Variants in CADM2 observed in about 807,000 individuals in gnomAD.
CADM2 encodes cell adhesion molecule 2.
A neutral mutation model predicts 49.8 loss-of-function variants in CADM2; 12 were observed. The ratio of observed to expected loss-of-function variants is 0.24; its 90% CI spans 0.15 to 0.39. The LOEUF (loss-of-function observed/expected upper bound fraction) is 0.39, where lower values mean the gene tolerates loss of function less well. Among genes scored for constraint, CADM2 ranks in the 10% least tolerant of loss-of-function variants. The probability of loss-of-function intolerance (pLI) is 1.00; values close to 1 mark genes in which losing one functional copy is unlikely to be tolerated. For missense variants in CADM2, 378 were observed against 492.3 expected (o/e 0.77, Z 2.20); for synonymous variants, 214 against 175.4 (o/e 1.22, Z -1.74).
intron 1 of CADM2, among the ~76,000 whole-genome samples, chr3:85,302,130 G>A (rs2044115993): frequency 6.6e-6 from 1 of 151,952 alleles, no homozygotes; most frequent in Non-Finnish European, 1.5e-5. Flanking sequence ...CAAATGAATG[G>A]AATATTTTGC....
At chr3:85,443,641 A>G (rs1266984158) in intron 1 of CADM2, among the ~76,000 whole-genome samples, 3 of 152,122 alleles carry the variant, frequency 2.0e-5, no homozygotes, top group Non-Finnish European at 4.4e-5. Flanking sequence ...GCAGTTTTCT[A>G]CACAACTGAT....
At chr3:85,556,704 T>C (rs1576796261) in intron 1 of CADM2, among the ~76,000 whole-genome samples, 2 of 152,250 alleles carry the variant, frequency 1.3e-5, no homozygotes, top group Admixed American at 1.3e-4. Flanking sequence ...TAAATAACTT[T>C]ATATTCTCTC....
chr3:85,806,018 T>C (rs1282778044), intron 3 of CADM2, among the ~76,000 whole-genome samples: 1 of 152,164 alleles, frequency 6.6e-6, no homozygotes, highest in Non-Finnish European at 1.5e-5. Flanking sequence ...AGTATCAGAA[T>C]ATTTTAATTA....
chr3:85,122,279 G>T (rs1048614691), intron 1 of CADM2, among the ~76,000 whole-genome samples: 1 of 151,996 alleles, frequency 6.6e-6, no homozygotes, highest in Non-Finnish European at 1.5e-5. Flanking sequence ...TCATCCTCAA[G>T]ACTAATTAAA....
At chr3:85,375,136 G>A (rs561431387) in intron 1 of CADM2, among the ~76,000 whole-genome samples, 29 of 152,176 alleles carry the variant, frequency 1.9e-4, no homozygotes, top group Non-Finnish European at 3.7e-4. Flanking sequence ...TATGTTTTAT[G>A]CTTTATATAG....
At chr3:85,188,279 ACCATTT>A (rs2041112424) in intron 1 of CADM2, among the ~76,000 whole-genome samples, 1 of 152,118 alleles carries the variant, frequency 6.6e-6, no homozygotes, top group African/African-American at 2.4e-5. Context: ...TTATACACAA[ACCATTT>A]GAAAGATACA....
chr3:85,423,289 G>A (rs943070617), intron 1 of CADM2, among the ~76,000 whole-genome samples: 3 of 152,122 alleles, frequency 2.0e-5, no homozygotes, highest in Non-Finnish European at 4.4e-5. Context: ...ATTATGGGCA[G>A]GGGAGGGGTG....
chr3:85,666,480 A>G (rs936589159), intron 1 of CADM2, among the ~76,000 whole-genome samples: 1 of 151,984 alleles, frequency 6.6e-6, no homozygotes, highest in African/African-American at 2.4e-5. Flanking sequence ...CCTCTGTAAC[A>G]AAAGAGAGAT....
chr3:84,965,380 G>C (rs1430968885), intron 1 of CADM2, among the ~76,000 whole-genome samples: 1 of 152,198 alleles, frequency 6.6e-6, no homozygotes, highest in Non-Finnish European at 1.5e-5. Flanking sequence ...TGTGGCATGA[G>C]AGTGAAATGG....
At chr3:85,740,256 A>G (rs7633564) in intron 2 of CADM2, among the ~76,000 whole-genome samples, 1 of 152,208 alleles carries the variant, frequency 6.6e-6, no homozygotes, top group Non-Finnish European at 1.5e-5. Context: ...CTTACAGAAT[A>G]CTATAGTCTT....
Position 84,959,492 on chromosome 3 carries a change from G to A in CADM2, c.-116G>A. 1 of 1,000,046 alleles carries A rather than the reference G, an allele frequency of 1.0e-6. No individual in the cohort carries two copies. The highest frequency in any genetic ancestry group is 1.5e-6 in the Non-Finnish European group (1 of 675,978). The allele number at this position is 1,000,046 out of a possible 1,614,324, so 61.9% of individuals were successfully genotyped here. ...GTTCGAACACCGCAGCGGTGGGGAC[G>A]GTGGGTCCGGCGGGCGCCGGGAGGA... On this transcript the variant is annotated 5_prime_UTR_variant, in exon 1 of 10. Transcript: ENST00000383699.
At chr3:85,362,562 T>G (rs544391498) in intron 1 of CADM2, among the ~76,000 whole-genome samples, 1 of 152,296 alleles carries the variant, frequency 6.6e-6, no homozygotes, top group South Asian at 2.1e-4. Context: ...AGAAACTGCT[T>G]TTCAAAAACC....
chr3:85,367,837 G>C (rs1438750613), intron 1 of CADM2, among the ~76,000 whole-genome samples: 2 of 145,662 alleles, frequency 1.4e-5, no homozygotes, highest in Non-Finnish European at 3.1e-5. Context: ...ATATATATGT[G>C]TGTGTGTGTG....
At chr3:85,179,710 C>T (rs1032496400) in intron 1 of CADM2, among the ~76,000 whole-genome samples, 1 of 151,812 alleles carries the variant, frequency 6.6e-6, no homozygotes, top group African/African-American at 2.4e-5. Flanking sequence ...GATTTTTTTC[C>T]ACAAGTGCTT....
chr3:86,035,260 A>T (rs1198504102), intron 8 of CADM2, among the ~76,000 whole-genome samples: 2 of 152,042 alleles, frequency 1.3e-5, no homozygotes, highest in African/African-American at 4.8e-5. Context: ...TGGCTCTCTC[A>T]GATATTAATC....
intron 1 of CADM2, among the ~76,000 whole-genome samples, chr3:85,076,118 T>A (rs147651407): frequency 2.0e-5 from 3 of 152,090 alleles, no homozygotes; most frequent in African/African-American, 7.2e-5. Context: ...ATGTTCTCCA[T>A]GCATTACCTC....
rs192842975 is a variant in CADM2 at position 85,808,725 on chromosome 3, T to A, written c.238+6529T>A. On this transcript the variant is annotated intron_variant, in intron 3 of 9. Transcript: ENST00000383699. ...CAATATTTCAACTTTTAAATTTTTT[T>A]AATAATCCTTAAAAATTTCCTAAAG... Among the ~76,000 whole-genome samples the A allele has an allele frequency of 2.4e-3, 361 of 152,318 alleles. 3 individuals are homozygous for A. The highest frequency in any genetic ancestry group is 7.7e-4 in the East Asian group (4 of 5,192).
intron 1 of CADM2, among the ~76,000 whole-genome samples, chr3:85,523,843 A>G (rs752538613): frequency 6.6e-6 from 1 of 152,176 alleles, no homozygotes; most frequent in Non-Finnish European, 1.5e-5. Flanking sequence ...ATGCATGGAT[A>G]AAACAGAGTT....
intron 1 of CADM2, among the ~76,000 whole-genome samples, chr3:85,545,555 C>T (rs772143019): frequency 1.3e-5 from 2 of 152,120 alleles, no homozygotes; most frequent in African/African-American, 4.8e-5. Context: ...AAATTACTCC[C>T]GTAAGCTCAA....
Sources: gnomAD v4.1 joint callset for allele counts (sites outside exome capture counted in the v4.1 genomes callset) on GRCh38, gnomAD v4.1.1 for gene constraint, MANE v1.5 for transcripts, NCBI Gene and HGNC (gene_info 2026-07-23, HGNC 2026-07-21) for gene names.